The following BUB1 variants were observed in gnomAD, a reference collection of about 807,000 sequenced individuals.
BUB1 encodes the protein BUB1 mitotic checkpoint serine/threonine kinase, also known as mitotic checkpoint serine/threonine-protein kinase BUB1.
In BUB1, 84 loss-of-function variants were observed where a neutral mutation model predicts 135.2. The observed-to-expected ratio is 0.62, with a 90% confidence interval of 0.52 to 0.74. The LOEUF is 0.74. BUB1 is among the 30% of genes least tolerant of loss of function. BUB1 has a pLI of 0.00. For synonymous variants in BUB1, 403 were observed against 434.4 expected (o/e 0.93, Z 0.90); for missense variants, 1,162 against 1,288.3 (o/e 0.90, Z 1.50).
At chr2:110,676,703 A>G (rs1020886809) in intron 1 of BUB1, 1 of 152,202 alleles carries the variant, frequency 6.6e-6, no homozygotes, top group Non-Finnish European at 1.5e-5. Context: ...AGCAGCGTAT[A>G]TATATACTGT....
At chr2:110,667,429 A>G in intron 8 of BUB1, 92 bp downstream of exon 8, 3 of 1,263,850 alleles carry the variant, frequency 2.4e-6, no homozygotes, top group Admixed American at 4.9e-5. Context: ...GTCTTTCAAC[A>G]TAGTCAATTA....
At chr2:110,658,202 TTC>T (rs1257203913) in intron 13 of BUB1, among the ~76,000 whole-genome samples, 2 of 151,416 alleles carry the variant, frequency 1.3e-5, no homozygotes, top group African/African-American at 4.9e-5. Flanking sequence ...TTTAGCACTA[TTC>T]TTTTTTTTTT....
Position 110,649,130 on chromosome 2 carries a change from G to A in BUB1, c.2347+104C>T, listed in dbSNP as rs1348194618. The A allele has an allele frequency of 1.8e-5, 20 of 1,117,394 alleles. No homozygotes were observed. The South Asian group carries it at 3.3e-4, about 18-fold the overall frequency. 69.2% of individuals were successfully genotyped at this position (1,117,394 alleles called of 1,614,324 possible). ...AGATACAACTCCCTATTGGAGGTTG[G>A]GGGGCAAATAGGAGAATCACACACA... On this transcript the variant is annotated intron_variant, in intron 19 of 24. Transcript: ENST00000302759.
At chr2:110,663,621 A>G (rs1374916570) in intron 9 of BUB1, among the ~76,000 whole-genome samples, 1 of 152,246 alleles carries the variant, frequency 6.6e-6, no homozygotes, top group African/African-American at 2.4e-5. Context: ...GAAGGAGGCT[A>G]GGAGCGGTGT....
At chr2:110,669,381 T>C (rs1690355052) in intron 6 of BUB1, 72 bp downstream of exon 6, 6 of 1,027,962 alleles carry the variant, frequency 5.8e-6, no homozygotes, top group Non-Finnish European at 7.7e-6. Context: ...TCAAAGTGGA[T>C]GTAGAAGGCA....
At chr2:110,666,941 G>C (rs563469685) in intron 8 of BUB1, among the ~76,000 whole-genome samples, 1 of 152,172 alleles carries the variant, frequency 6.6e-6, no homozygotes, top group Non-Finnish European at 1.5e-5. Context: ...GCATGTGAAA[G>C]AAAAACACAT....
intron 17 of BUB1, among the ~76,000 whole-genome samples, chr2:110,651,540 A>C (rs1689787187): frequency 6.6e-6 from 1 of 152,216 alleles, no homozygotes; most frequent in South Asian, 2.1e-4. Context: ...AGCTCACAGT[A>C]AGCTAAGGCT....
intron 15 of BUB1, 69 bp from the exon 16 acceptor site, chr2:110,655,985 A>G: frequency 1.4e-6 from 2 of 1,432,792 alleles, no homozygotes; most frequent in Non-Finnish European, 1.9e-6. Context: ...CTTATTCAAT[A>G]ACACTTTAAG....
At chr2:110,667,424 T>C (rs1690287955) in intron 8 of BUB1, 97 bp downstream of exon 8, 1 of 1,240,972 alleles carries the variant, frequency 8.1e-7, no homozygotes, top group Non-Finnish European at 1.1e-6. Context: ...TTGCAGTCTT[T>C]CAACATAGTC....
At chr2:110,657,388 T>C (rs12053209) in intron 14 of BUB1, among the ~76,000 whole-genome samples, 158 bp downstream of exon 14, 1,870 of 152,240 alleles carry the variant, frequency 0.012, 38 homozygotes, top group East Asian at 0.059. Context: ...TGCAGTACTG[T>C]AAATCTGGAG....
chr2:110,677,829 A>G, intron 1 of BUB1, 141 bp downstream of exon 1: 1 of 1,005,640 alleles, frequency 9.9e-7, no homozygotes. Context: ...CAAGCAGCCC[A>G]CGGCCTTGCT....
chr2:110,645,710 G>A (rs905177233), intron 19 of BUB1, among the ~76,000 whole-genome samples: 13 of 151,868 alleles, frequency 8.6e-5, no homozygotes, highest in Admixed American at 3.3e-4. Context: ...TTACAGGCAC[G>A]TGTTGCCATG....
At chr2:110,675,644 T>C (rs1452055588) in intron 1 of BUB1, among the ~76,000 whole-genome samples, 2 of 150,804 alleles carry the variant, frequency 1.3e-5, no homozygotes, top group African/African-American at 2.4e-5. Context: ...TAAAAAGCAA[T>C]ATGTATTTTT....
chr2:110,649,484 C>A, intron 18 of BUB1, 107 bp from the exon 19 acceptor site: 1 of 1,072,844 alleles, frequency 9.3e-7, no homozygotes, highest in Non-Finnish European at 1.3e-6. Flanking sequence ...ACTAAGTAAG[C>A]TTTCAAAGCC....
At chr2:110,649,519 A>T (rs1049277988) in intron 18 of BUB1, 142 bp from the exon 19 acceptor site, 24 of 815,256 alleles carry the variant, frequency 2.9e-5, no homozygotes, top group Non-Finnish European at 1.1e-5. Flanking sequence ...ATTCAAAATA[A>T]AAAAGAACTA....
At position 110,641,111 on chromosome 2, in the gene BUB1, T is replaced by C. The variant is rs568296249; in HGVS notation, c.2878A>G (p.Thr960Ala). The part of the protein sequence containing the change: ...SIDMKLFPKG[T>A]IFTAKCETSG... Reference sequence around the variant, plus strand: ...GTTTCACACTTTGCTGTGAATATAGTTCCTTTTGGAAAAAGTTTCATATCT... The same window carrying C: ...GTTTCACACTTTGCTGTGAATATAGCTCCTTTTGGAAAAAGTTTCATATCT... Residue 960 changes from threonine (T) to alanine (A), a missense_variant, in exon 23 of 25, where the codon ACT becomes GCT. Transcript: ENST00000302759. The C allele has an allele frequency of 3.7e-6, 6 of 1,613,680 alleles. No homozygotes were observed. Among genetic ancestry groups the C allele is most frequent in the Non-Finnish European group, 5.1e-6 (6 of 1,179,850 alleles).
intron 23 of BUB1, among the ~76,000 whole-genome samples, chr2:110,640,203 C>T (rs575221645): frequency 2.0e-5 from 3 of 152,130 alleles, no homozygotes; most frequent in Non-Finnish European, 4.4e-5. Context: ...CTCTAACTCG[C>T]CCCCATGGCC....
In BUB1 at chr2:110,660,045, G is replaced by GA; in HGVS notation, c.1218-10dup. The GA allele has an allele frequency of 6.2e-7, 1 of 1,608,156 alleles. No homozygotes were observed. Among genetic ancestry groups the GA allele is most frequent in the South Asian group, 1.1e-5 (1 of 90,870 alleles). On this transcript the variant is annotated splice_polypyrimidine_tract_variant and intron_variant, in intron 10 of 24. Transcript: ENST00000302759. The stretch of plus-strand genomic sequence containing the variant: ...TACTCTTATTCACACATCTGGAAGA[G>GA]AAAACTCTTGAGACACACTAGAGAA...
Position 110,667,596 on chromosome 2 carries a change from G to C in BUB1, c.730C>G (p.Arg244Gly), listed in dbSNP as rs778903530. ...TCAAAGGAAAATTCTGATTCCCCAC[G>C]AATAAGCTTCTCCTTGCAATACATA... ...VVMYCKEKLIRGESEFSFEEL... is the reference protein window; with the variant it reads ...VVMYCKEKLIGGESEFSFEEL... The change falls in exon 8 of 25, where the codon CGT becomes GGT. Residue 244 changes from arginine to glycine, a missense_variant. By Grantham distance (125) the Arg-to-Gly change is moderately radical. Coordinates refer to ENST00000302759, the MANE Select transcript of BUB1 (RefSeq NM_004336.5). 1.9e-6 allele frequency: 3 copies of C among 1,613,874 alleles called. No individual in the cohort carries two copies. In the South Asian group the frequency reaches 3.3e-5, roughly 18 times the overall value.
Sources: allele counts gnomAD v4.1 joint callset (sites outside exome capture counted in the v4.1 genomes callset), GRCh38; gene constraint gnomAD v4.1.1; transcripts MANE v1.5; gene names NCBI Gene and HGNC (gene_info 2026-07-23, HGNC 2026-07-21).